The following RNF216 variants were observed in gnomAD, a reference collection of about 807,000 sequenced individuals.
RNF216 encodes ring finger protein 216.
RNF216 carries 72 observed loss-of-function variants against 110.8 expected under a neutral mutation model. The observed-to-expected ratio is 0.65, with a 90% CI of 0.54 to 0.79. RNF216 has a LOEUF of 0.79. Ranked by LOEUF, RNF216 falls within the 30% of genes least tolerant of loss-of-function variation. RNF216 has a pLI of 0.00. For synonymous variants in RNF216, 495 were observed against 407.5 expected, an observed-to-expected ratio of 1.21 and a Z score of -2.59; for missense variants, 1,342 against 1,141.2, an observed-to-expected ratio of 1.18 and a Z score of -2.54.
intron 15 of RNF216, among the ~76,000 whole-genome samples, chr7:5,628,605 C>G (rs1460961303): frequency 6.6e-6 from 1 of 152,098 alleles, no homozygotes; most frequent in Non-Finnish European, 1.5e-5. Context: ...TCACTGCAGC[C>G]TCCACCTCCT....
At chr7:5,688,015 C>T (rs1202003450) in intron 13 of RNF216, among the ~76,000 whole-genome samples, 1 of 152,022 alleles carries the variant, frequency 6.6e-6, no homozygotes, top group Non-Finnish European at 1.5e-5. Context: ...GCCGTTTTGA[C>T]AATTTTCACT....
At chr7:5,644,827 CTTTTTT>C (rs59440013) in intron 14 of RNF216, among the ~76,000 whole-genome samples, 4 of 135,940 alleles carry the variant, frequency 2.9e-5, no homozygotes, top group South Asian at 2.4e-4. Context: ...TTCTTTTTTT[CTTTTTT>C]TTTTTTTTTG....
intron 13 of RNF216, among the ~76,000 whole-genome samples, chr7:5,707,259 A>G (rs1222384432): frequency 6.6e-6 from 1 of 152,158 alleles, no homozygotes; most frequent in Non-Finnish European, 1.5e-5. Flanking sequence ...GTGGTTCCAT[A>G]TGCATTTTAG....
intron 13 of RNF216, among the ~76,000 whole-genome samples, chr7:5,660,796 C>T (rs947327828): frequency 6.6e-6 from 1 of 151,282 alleles, no homozygotes; most frequent in African/African-American, 2.4e-5. Flanking sequence ...TCTCAAACTC[C>T]TGGAGTCAAG....
At chr7:5,723,655 A>T (rs55873551) in intron 8 of RNF216, among the ~76,000 whole-genome samples, 16,645 of 152,080 alleles carry the variant, frequency 0.11, 971 homozygotes, top group East Asian at 0.12. Context: ...TCAAAAAAAA[A>T]AAATAAATAA....
chr7:5,740,903 A>G, intron 4 of RNF216, 70 bp downstream of exon 4: 4 of 1,434,888 alleles, frequency 2.8e-6, no homozygotes, highest in Non-Finnish European at 3.7e-6. Flanking sequence ...TTTTTTTTGC[A>G]ATGAAAAAAA....
rs184054994 is a variant in RNF216, at chr7:5,737,820, T to C, written c.1121+1456A>G. Among the ~76,000 whole-genome samples the C allele has an allele frequency of 9.6e-4, 146 of 152,194 alleles. 1 individual carries two copies. The highest frequency in any genetic ancestry group is 3.3e-3 in the African/African-American group (139 of 41,520). ...AAATTTACCACCAGGCTGAGCACGGTGGCTTATGGCTGTAATCCCAGCACT... is the reference window on the plus strand; with the variant it reads ...AAATTTACCACCAGGCTGAGCACGGCGGCTTATGGCTGTAATCCCAGCACT... On this transcript the variant is annotated intron_variant, in intron 5 of 16. Transcript: ENST00000389902.
chr7:5,703,713 C>T (rs1315469233), intron 13 of RNF216, among the ~76,000 whole-genome samples: 2 of 152,296 alleles, frequency 1.3e-5, no homozygotes, highest in South Asian at 2.1e-4. Context: ...GCAGTTTCCA[C>T]GAAAAGACTA....
In RNF216 at chr7:5,623,107, G is replaced by A. The variant is rs753739330; in HGVS notation, c.2525C>T (p.Pro842Leu). Residue 842 changes from proline to leucine, a missense_variant, in exon 17 of 17, where the codon CCG becomes CTG. Coordinates refer to ENST00000389902, the MANE Select transcript of RNF216 (RefSeq NM_207111.4). ...VEKVQRVEAL[P>L]RPVPQNLPQP... ...TGGCAGGTTCTGCGGAACGGGCCTCGGGAGGGCCTCCACCCTCTGCACCTT... is the reference window on the plus strand; with the variant it reads ...TGGCAGGTTCTGCGGAACGGGCCTCAGGAGGGCCTCCACCCTCTGCACCTT... 2.5e-5 allele frequency: 41 copies of A among 1,608,348 alleles called. No homozygotes were observed. The highest frequency in any genetic ancestry group is 1.7e-4 in the Middle Eastern group (1 of 6,058).
chr7:5,698,688 C>A (rs763864272), intron 13 of RNF216, among the ~76,000 whole-genome samples: 1 of 152,142 alleles, frequency 6.6e-6, no homozygotes, highest in Admixed American at 6.5e-5. Context: ...GCCACCGCTC[C>A]GGCCTCTTGG....
chr7:5,771,830 G>A (rs549160280), intron 1 of RNF216, among the ~76,000 whole-genome samples: 1 of 151,718 alleles, frequency 6.6e-6, no homozygotes, highest in East Asian at 2.0e-4. Context: ...AAGGAAAAAT[G>A]GGGCAAACAA....
intron 1 of RNF216, among the ~76,000 whole-genome samples, chr7:5,770,715 T>C (rs568053290): frequency 3.3e-5 from 5 of 151,990 alleles, no homozygotes; most frequent in South Asian, 2.1e-4. Context: ...GTAGGAGATA[T>C]TGTATTACTA....
At chr7:5,752,620 T>G (rs764394430) in intron 3 of RNF216, among the ~76,000 whole-genome samples, 14 of 152,162 alleles carry the variant, frequency 9.2e-5, no homozygotes, top group African/African-American at 2.2e-4. Flanking sequence ...ACAGTGGAAT[T>G]TGGTGCGTTA....
intron 13 of RNF216, among the ~76,000 whole-genome samples, chr7:5,701,821 G>C (rs369224651): frequency 6.6e-6 from 1 of 152,150 alleles, no homozygotes; most frequent in East Asian, 1.9e-4. Context: ...TCTCACGTAA[G>C]GGCTTCAAAA....
At chr7:5,749,858 T>C (rs773952819) in intron 3 of RNF216, among the ~76,000 whole-genome samples, 9 of 152,132 alleles carry the variant, frequency 5.9e-5, no homozygotes, top group Admixed American at 6.6e-5. Flanking sequence ...TGAGACTGAA[T>C]TGATAAAAGA....
rs1163710982 is a variant in RNF216 at position 5,770,024 on chromosome 7, CAAAAAAAAAAAAAA to C, written c.-69-8900_-69-8887del. ...CTGGCTGACAGAGTGAGACCCATCTCAAAAAAAAAAAAAAAAAAAAAAAAAAAAAGACTGAAAAT... is the reference window on the plus strand; with the variant it reads ...CTGGCTGACAGAGTGAGACCCATCTCAAAAAAAAAAAAAAAGACTGAAAAT... On this transcript the variant is annotated intron_variant, in intron 1 of 16. Transcript: ENST00000389902. Among the ~76,000 whole-genome samples, 11 of 24,154 alleles carry C rather than the reference CAAAAAAAAAAAAAA, an allele frequency of 4.6e-4. 1 individual carries two copies. Among genetic ancestry groups the C allele is most frequent in the Admixed American group, 1.5e-3 (2 of 1,300 alleles). 15.8% of individuals were successfully genotyped at this position (24,154 alleles called of 152,430 possible).
At chr7:5,713,614 T>C (rs1355097313) in intron 11 of RNF216, among the ~76,000 whole-genome samples, 1 of 152,170 alleles carries the variant, frequency 6.6e-6, no homozygotes, top group Non-Finnish European at 1.5e-5. Flanking sequence ...CCTATGCACC[T>C]AGAGTCAAAC....
intron 1 of RNF216, among the ~76,000 whole-genome samples, chr7:5,778,098 T>A (rs915290064): frequency 6.6e-6 from 1 of 152,238 alleles, no homozygotes; most frequent in Non-Finnish European, 1.5e-5. Context: ...TTATTTCTTT[T>A]AAACCACAAA....
chr7:5,757,356 TCTGG>T (rs1795696160), intron 2 of RNF216, among the ~76,000 whole-genome samples: 1 of 152,228 alleles, frequency 6.6e-6, no homozygotes. Context: ...TATCAATGCT[TCTGG>T]CTGGAGTTTC....
Sources: gnomAD v4.1 joint callset for allele counts (sites outside exome capture counted in the v4.1 genomes callset) on GRCh38, gnomAD v4.1.1 for gene constraint, MANE v1.5 for transcripts, NCBI Gene and HGNC (gene_info 2026-07-23, HGNC 2026-07-21) for gene names.